Variants in CCDC148 observed in about 807,000 individuals in gnomAD.
CCDC148 encodes coiled-coil domain-containing protein 148.
A neutral mutation model predicts 85.7 loss-of-function variants in CCDC148; 89 were observed. The observed-to-expected ratio is 1.04, with a 90% CI of 0.87 to 1.24. The LOEUF (loss-of-function observed/expected upper bound fraction) is 1.24. CCDC148 is among the 50% of genes most tolerant of loss of function. The pLI is 0.00. For missense variants in CCDC148, 692 were observed against 671.7 expected (o/e 1.03, Z -0.33); for synonymous variants, 230 against 213.9 (o/e 1.08, Z -0.66).
intron 1 of CCDC148, among the ~76,000 whole-genome samples, chr2:158,361,105 C>G (rs971437002): frequency 6.6e-6 from 1 of 151,114 alleles, no homozygotes; most frequent in African/African-American, 2.4e-5. Context: ...TAAAATAAAG[C>G]GTGAAGACAA....
At chr2:158,353,552 T>C (rs1683444747) in intron 2 of CCDC148, among the ~76,000 whole-genome samples, 1 of 151,810 alleles carries the variant, frequency 6.6e-6, no homozygotes, top group African/African-American at 2.4e-5. Context: ...ATGCACCCAA[T>C]ATAGGTGCAC....
chr2:158,368,623 C>T (rs1684301850), intron 1 of CCDC148, among the ~76,000 whole-genome samples: 2 of 151,948 alleles, frequency 1.3e-5, no homozygotes, highest in South Asian at 4.1e-4. Context: ...TGGAAAATAT[C>T]TTAAAATAAT....
At chr2:158,240,489 C>CACAA (rs1553486845) in intron 10 of CCDC148, among the ~76,000 whole-genome samples, 3 of 144,184 alleles carry the variant, frequency 2.1e-5, no homozygotes, top group Non-Finnish European at 4.6e-5. Context: ...CACACACACA[C>CACAA]ACCTCTTTAA....
At chr2:158,336,577 T>C (rs889563911) in intron 7 of CCDC148, among the ~76,000 whole-genome samples, 2 of 152,154 alleles carry the variant, frequency 1.3e-5, no homozygotes, top group Non-Finnish European at 2.9e-5. Context: ...TTTTATTCAA[T>C]AAATATTCAT....
intron 9 of CCDC148, among the ~76,000 whole-genome samples, chr2:158,308,959 T>G (rs1394256741): frequency 1.3e-5 from 2 of 152,172 alleles, no homozygotes; most frequent in Non-Finnish European, 2.9e-5. Context: ...ACCCCATCCA[T>G]TCCCCAACAC....
chr2:158,451,828 A>G (rs1028017045), intron 1 of CCDC148, among the ~76,000 whole-genome samples: 5 of 152,226 alleles, frequency 3.3e-5, no homozygotes, highest in African/African-American at 1.2e-4. Flanking sequence ...TTCATAGTTC[A>G]TCAAGTCATA....
Position 158,283,393 on chromosome 2 carries a change from TA to T in CCDC148, c.1110+26039del, listed in dbSNP as rs1304090793. Among the ~76,000 whole-genome samples the T allele has an allele frequency of 3.9e-5, 6 of 152,348 alleles. No individual in the cohort carries two copies. The Middle Eastern group carries it at 0.01, about 259-fold the overall frequency. ...GCAATCTACTCATCTGACAAAGAGC[TA>T]ATATCCAGAATCTACAAAGAACTCA... On this transcript the variant is annotated intron_variant, in intron 9 of 13. Transcript: ENST00000283233.
chr2:158,279,130 C>T (rs1385087400), intron 9 of CCDC148, among the ~76,000 whole-genome samples: 1 of 152,204 alleles, frequency 6.6e-6, no homozygotes, highest in Non-Finnish European at 1.5e-5. Context: ...CCCATCTGTA[C>T]ATCACCATCA....
chr2:158,425,298 C>T, intron 1 of CCDC148: 1 of 534,364 alleles, frequency 1.9e-6, no homozygotes, highest in Non-Finnish European at 3.8e-6. Flanking sequence ...CAATCACCAG[C>T]CATACTAAAG....
intron 9 of CCDC148, among the ~76,000 whole-genome samples, chr2:158,279,271 T>A (rs1467884382): frequency 6.6e-6 from 1 of 152,186 alleles, no homozygotes. Context: ...GGAACAAAGC[T>A]GGACGGAGAA....
At chr2:158,380,479 T>G (rs1414535412) in intron 1 of CCDC148, among the ~76,000 whole-genome samples, 1 of 152,210 alleles carries the variant, frequency 6.6e-6, no homozygotes, top group Non-Finnish European at 1.5e-5. Context: ...CCACCACTTA[T>G]AAACTGTGGC....
At chr2:158,246,198 G>A (rs1688563175) in intron 10 of CCDC148, among the ~76,000 whole-genome samples, 1 of 152,166 alleles carries the variant, frequency 6.6e-6, no homozygotes, top group African/African-American at 2.4e-5. Flanking sequence ...CCAGGTAGAT[G>A]AGACAGCAGA....
intron 11 of CCDC148, among the ~76,000 whole-genome samples, chr2:158,181,125 C>T (rs1206307113): frequency 1.3e-5 from 2 of 152,118 alleles, no homozygotes; most frequent in Admixed American, 6.6e-5. Context: ...TGGGATTTGA[C>T]AATTACCATA....
intron 1 of CCDC148, among the ~76,000 whole-genome samples, 182 bp from the exon 2 acceptor site, chr2:158,358,752 T>C (rs1345606075): frequency 6.6e-6 from 1 of 151,956 alleles, no homozygotes; most frequent in East Asian, 1.9e-4. Flanking sequence ...GAAATTATTA[T>C]AATATAGCCA....
At chr2:158,304,074 C>T (rs545568953) in intron 9 of CCDC148, among the ~76,000 whole-genome samples, 1 of 152,084 alleles carries the variant, frequency 6.6e-6, no homozygotes, top group Non-Finnish European at 1.5e-5. Context: ...ATGGCTCACT[C>T]TTGGGTTAGA....
At chr2:158,365,656 G>C (rs1282423838) in intron 1 of CCDC148, among the ~76,000 whole-genome samples, 1 of 152,046 alleles carries the variant, frequency 6.6e-6, no homozygotes, top group Non-Finnish European at 1.5e-5. Context: ...GGGCCTGTCG[G>C]GGGGTGGAGG....
At chr2:158,421,506 T>C (rs1243669526) in intron 1 of CCDC148, among the ~76,000 whole-genome samples, 1 of 152,102 alleles carries the variant, frequency 6.6e-6, no homozygotes, top group African/African-American at 2.4e-5. Flanking sequence ...CATAAAGAAA[T>C]GAAGGCAGAA....
chr2:158,229,940 C>A (rs1247673134), intron 10 of CCDC148, among the ~76,000 whole-genome samples: 1 of 152,164 alleles, frequency 6.6e-6, no homozygotes, highest in Non-Finnish European at 1.5e-5. Context: ...TGCACATCTT[C>A]TATTTCACTC....
intron 2 of CCDC148, among the ~76,000 whole-genome samples, chr2:158,349,513 G>A (rs1683156871): frequency 6.6e-6 from 1 of 151,792 alleles, no homozygotes; most frequent in Admixed American, 6.6e-5. Context: ...AGTGTGGATT[G>A]TTTGGTATCT....
Sources: gnomAD v4.1 joint callset for allele counts (sites outside exome capture counted in the v4.1 genomes callset) on GRCh38, gnomAD v4.1.1 for gene constraint, MANE v1.5 for transcripts, NCBI Gene and HGNC (gene_info 2026-07-23, HGNC 2026-07-21) for gene names.